The following SEL1L2 variants were observed in gnomAD, a reference collection of about 807,000 sequenced individuals.
The protein encoded by SEL1L2 is SEL1L2 adaptor subunit of SYVN1 ubiquitin ligase, also known as protein sel-1 homolog 2.
SEL1L2 carries 89 observed loss-of-function variants against 98.8 expected under a neutral mutation model. The observed-to-expected ratio is 0.90, with a 90% CI of 0.76 to 1.07. SEL1L2 has a LOEUF of 1.07. Ranked by LOEUF, SEL1L2 falls within the 50% of genes least tolerant of loss-of-function variation. The pLI is 0.00. For missense variants in SEL1L2, 788 were observed against 812.0 expected, an observed-to-expected ratio of 0.97 and a Z score of 0.36; for synonymous variants, 262 against 278.5, an observed-to-expected ratio of 0.94 and a Z score of 0.59.
intron 1 of SEL1L2, among the ~76,000 whole-genome samples, chr20:13,985,304 C>G (rs1204136810): frequency 6.6e-6 from 1 of 152,222 alleles, no homozygotes; most frequent in Non-Finnish European, 1.5e-5. Flanking sequence ...TACTACACCA[C>G]AGCAAACTGA....
chr20:13,872,747 T>G (rs1011091073), intron 12 of SEL1L2, among the ~76,000 whole-genome samples: 5 of 151,882 alleles, frequency 3.3e-5, no homozygotes, highest in Non-Finnish European at 7.4e-5. Context: ...CATCACTGTT[T>G]AAGGCCCAGT....
chr20:13,925,347 T>C (rs2048843081), intron 3 of SEL1L2, among the ~76,000 whole-genome samples: 5 of 152,142 alleles, frequency 3.3e-5, no homozygotes, highest in Admixed American at 3.3e-4. Context: ...GGTTTAGAAG[T>C]TTTCACCCAA....
At chr20:13,919,227 A>G in intron 3 of SEL1L2, 104 bp from the exon 4 acceptor site, 2 of 682,830 alleles carry the variant, frequency 2.9e-6, no homozygotes, top group Non-Finnish European at 4.8e-6. Context: ...GTTCTGTTCT[A>G]CTTATTTTTT....
At chr20:13,961,069 C>T (rs2050753503) in intron 1 of SEL1L2, among the ~76,000 whole-genome samples, 2 of 152,144 alleles carry the variant, frequency 1.3e-5, no homozygotes, top group South Asian at 4.1e-4. Flanking sequence ...ATCTCCATAA[C>T]AACCCACCAA....
chr20:13,899,608 T>A (rs771647632), intron 5 of SEL1L2, among the ~76,000 whole-genome samples: 1 of 152,102 alleles, frequency 6.6e-6, no homozygotes, highest in Non-Finnish European at 1.5e-5. Flanking sequence ...CCCTTTTTTT[T>A]ATAAGGGCAC....
Position 13,907,582 on chromosome 20 carries a change from C to A in SEL1L2, c.549+6200G>T, listed in dbSNP as rs1379544669. ...AGATCCTATCTCAGAAATAAATAAA[C>A]CCAGAAAATAATTGCCACAAATAGT... On this transcript the variant is annotated intron_variant, in intron 5 of 19. Coordinates refer to ENST00000284951, the MANE Select transcript of SEL1L2 (RefSeq NM_025229.2). Among the ~76,000 whole-genome samples the A allele has an allele frequency of 9.9e-5, 15 of 152,018 alleles. No homozygotes were observed. The East Asian group carries it at 2.5e-3, about 25-fold the overall frequency.
rs932172201 is a variant in SEL1L2, at chr20:13,851,212, G to GT, written c.1819-894dup. 3 of 152,148 alleles carry GT rather than the reference G, an allele frequency of 2.0e-5. No individual in the cohort carries two copies. In the South Asian group the frequency reaches 6.2e-4, roughly 32 times the overall value. 9.4% of individuals were successfully genotyped at this position (152,148 alleles called of 1,614,324 possible). A position where few individuals can be genotyped will look rare whatever the true frequency, so the allele number is the denominator to read the frequency against. Reference sequence around the variant, plus strand: ...ACTGAACTCCAGCCTGGATGACAGAGTGATACTCTGTCTCAAAAGAAAAAA... The same window carrying GT: ...ACTGAACTCCAGCCTGGATGACAGAGTTGATACTCTGTCTCAAAAGAAAAAA... On this transcript the variant is annotated intron_variant, in intron 18 of 19. Coordinates refer to ENST00000284951, the MANE Select transcript of SEL1L2 (RefSeq NM_025229.2).
intron 2 of SEL1L2, among the ~76,000 whole-genome samples, chr20:13,953,769 C>T (rs1276995030): frequency 6.6e-6 from 1 of 152,202 alleles, no homozygotes; most frequent in African/African-American, 2.4e-5. Context: ...CCTTCTCGCC[C>T]TTCAAAGTGT....
At chr20:13,865,133 C>T (rs771379571) in intron 17 of SEL1L2, 34 bp downstream of exon 17, 18 of 1,535,186 alleles carry the variant, frequency 1.2e-5, no homozygotes, top group South Asian at 4.5e-5. Context: ...GGACAGGGAC[C>T]GGGTATGTGC....
At chr20:13,886,051 T>A (rs2046937622) in intron 9 of SEL1L2, among the ~76,000 whole-genome samples, 1 of 150,672 alleles carries the variant, frequency 6.6e-6, no homozygotes, top group South Asian at 2.1e-4. Flanking sequence ...AAAAAAAAAA[T>A]TAATTTTTAA....
At chr20:13,986,999 T>G (rs1013814273) in intron 1 of SEL1L2, among the ~76,000 whole-genome samples, 1 of 151,854 alleles carries the variant, frequency 6.6e-6, no homozygotes, top group East Asian at 2.0e-4. Context: ...GTCCAGCTAA[T>G]TTTTTGTATT....
chr20:13,983,047 A>AAAAAAAAAAAAAAAAAAAC (rs1569086282), intron 1 of SEL1L2, among the ~76,000 whole-genome samples: 6 of 144,298 alleles, frequency 4.2e-5, no homozygotes, highest in Admixed American at 7.0e-5. Flanking sequence ...AAAAAAAAAA[A>AAAAAAAAAAAAAAAAAAAC]AGCAGCAGCC....
intron 7 of SEL1L2, 29 bp from the exon 8 acceptor site, chr20:13,887,879 A>T: frequency 6.2e-7 from 1 of 1,606,210 alleles, no homozygotes; most frequent in Non-Finnish European, 8.5e-7. Flanking sequence ...CATTCTTAAT[A>T]TTCAAGACAA....
chr20:13,946,769 C>T lies in SEL1L2; in HGVS notation c.114+9307G>A, dbSNP rs569270265. Among the ~76,000 whole-genome samples, 7 of 137,878 alleles carry T rather than the reference C, an allele frequency of 5.1e-5. No individual in the cohort carries two copies. In the Admixed American group the frequency reaches 5.3e-4, roughly 10 times the overall value. 90.5% of individuals were successfully genotyped at this position (137,878 alleles called of 152,430 possible). A position where few individuals can be genotyped will look rare whatever the true frequency, so the allele number is the denominator to read the frequency against. ...TCCCGCAGGCTTGGAAGTGCCTGCT[C>T]CCACTGCCTGGCCTCTCCCAGCACC... On this transcript the variant is annotated intron_variant, in intron 2 of 19. Coordinates refer to ENST00000284951, the MANE Select transcript of SEL1L2 (RefSeq NM_025229.2).
chr20:13,901,390 C>T (rs1046963575), intron 5 of SEL1L2, among the ~76,000 whole-genome samples: 2 of 152,076 alleles, frequency 1.3e-5, no homozygotes, highest in Non-Finnish European at 2.9e-5. Flanking sequence ...TATTAAAACA[C>T]GTAAAGCTGT....
At chr20:13,971,834 T>G (rs904825283) in intron 1 of SEL1L2, among the ~76,000 whole-genome samples, 4 of 152,182 alleles carry the variant, frequency 2.6e-5, no homozygotes, top group Admixed American at 1.3e-4. Flanking sequence ...TCACTAGCAA[T>G]CATTACAATC....
At chr20:13,861,928 T>C (rs1311331498) in intron 17 of SEL1L2, among the ~76,000 whole-genome samples, 1 of 152,212 alleles carries the variant, frequency 6.6e-6, no homozygotes, top group East Asian at 1.9e-4. Context: ...GACTACCTTG[T>C]CTAAAGTGCT....
Position 13,898,774 on chromosome 20 carries a change from C to T in SEL1L2, c.550-10262G>A, listed in dbSNP as rs139177084. On this transcript the variant is annotated intron_variant, in intron 5 of 19. Transcript: ENST00000284951. ...TTATTTATTTTGAGACAGAGTCTCGCCCTTGTCACCCAGGCTGGAGTACAA... is the reference window on the plus strand; with the variant it reads ...TTATTTATTTTGAGACAGAGTCTCGTCCTTGTCACCCAGGCTGGAGTACAA... Among the ~76,000 whole-genome samples the T allele has an allele frequency of 5.9e-5, 9 of 152,318 alleles. No individual in the cohort carries two copies. In the East Asian group the frequency reaches 1.7e-3, roughly 29 times the overall value.
chr20:13,923,702 C>T (rs1006421333), intron 3 of SEL1L2, among the ~76,000 whole-genome samples: 2 of 152,008 alleles, frequency 1.3e-5, no homozygotes, highest in African/African-American at 4.8e-5. Context: ...TGCAGTGGGC[C>T]GAGATTGTGC....
Sources: allele counts gnomAD v4.1 joint callset (sites outside exome capture counted in the v4.1 genomes callset), GRCh38; gene constraint gnomAD v4.1.1; transcripts MANE v1.5; gene names NCBI Gene and HGNC (gene_info 2026-07-23, HGNC 2026-07-21).